GALNT18: variants seen among roughly 807,000 people sequenced by gnomAD.
GALNT18 encodes the protein polypeptide N-acetylgalactosaminyltransferase 18.
In GALNT18, 44 loss-of-function variants were observed where a neutral mutation model predicts 69.5. The observed-to-expected ratio is 0.63, with a 90% confidence interval of 0.50 to 0.81. The LOEUF is 0.81. Ranked by LOEUF, GALNT18 falls within the 40% of genes least tolerant of loss-of-function variation. The pLI, the probability that GALNT18 is intolerant of heterozygous loss-of-function variation, is 0.00. For synonymous variants in GALNT18, 364 were observed against 318.2 expected (o/e 1.14, Z -1.53); for missense variants, 715 against 810.0 (o/e 0.88, Z 1.42).
intron 9 of GALNT18, among the ~76,000 whole-genome samples, chr11:11,324,536 T>C (rs1049047857): frequency 6.6e-6 from 1 of 152,184 alleles, no homozygotes; most frequent in African/African-American, 2.4e-5. Context: ...ATGATGAAAG[T>C]GTTCCCTTTT....
chr11:11,517,707 G>A (rs1857311359), intron 1 of GALNT18, among the ~76,000 whole-genome samples: 1 of 152,010 alleles, frequency 6.6e-6, no homozygotes, highest in Non-Finnish European at 1.5e-5. Flanking sequence ...CAGGGCCCCT[G>A]CCACAGTGCT....
In GALNT18 at chr11:11,436,133, T is replaced by A. The variant is rs1855397446; in HGVS notation, c.429-3346A>T. Among the ~76,000 whole-genome samples the A allele has an allele frequency of 1.3e-5, 2 of 152,224 alleles. No homozygotes were observed. The highest frequency in any genetic ancestry group is 2.9e-5 in the Non-Finnish European group (2 of 68,044). On this transcript the variant is annotated intron_variant, in intron 2 of 10. Coordinates refer to ENST00000227756, the MANE Select transcript of GALNT18 (RefSeq NM_198516.3). This position sits in a 1 kb window ranked among gnomAD's most constrained non-coding sequence, Gnocchi z 4.5. Reference sequence around the variant, plus strand: ...GAAGATGATATGGGGGGATCGTTTTTGGGAAAGCGTTTGAAGGGGATGAAG... The same window carrying A: ...GAAGATGATATGGGGGGATCGTTTTAGGGAAAGCGTTTGAAGGGGATGAAG...
intron 9 of GALNT18, among the ~76,000 whole-genome samples, chr11:11,317,124 G>GTTATGT (rs10668565): frequency 0.36 from 54,793 of 151,562 alleles, 10,120 homozygotes; most frequent in Admixed American, 0.45. Context: ...AAACAAAATG[G>GTTATGT]TTATGTTTAT....
At chr11:11,390,005 T>C (rs969299001) in intron 3 of GALNT18, among the ~76,000 whole-genome samples, 11 of 152,210 alleles carry the variant, frequency 7.2e-5, no homozygotes, top group South Asian at 6.2e-4. Context: ...CAAGAGTTTA[T>C]GATTCTGAAT....
intron 9 of GALNT18, among the ~76,000 whole-genome samples, chr11:11,307,309 T>G (rs1849595597): frequency 6.6e-6 from 1 of 152,226 alleles, no homozygotes; most frequent in South Asian, 2.1e-4. Context: ...GCAAATTACA[T>G]TCATTTTATC....
At chr11:11,375,673 A>G (rs745882636) in intron 5 of GALNT18, among the ~76,000 whole-genome samples, 1 of 152,196 alleles carries the variant, frequency 6.6e-6, no homozygotes, top group Non-Finnish European at 1.5e-5. Context: ...TCCTCTTGTA[A>G]AACAGGGATG....
intron 1 of GALNT18, among the ~76,000 whole-genome samples, chr11:11,489,067 G>A (rs1462905529): frequency 1.3e-5 from 2 of 152,210 alleles, no homozygotes; most frequent in South Asian, 2.1e-4. Context: ...ACAGTGAAGT[G>A]TGCCCCAAAC....
chr11:11,375,909 T>C (rs1337318565), intron 5 of GALNT18, among the ~76,000 whole-genome samples: 7 of 152,188 alleles, frequency 4.6e-5, no homozygotes, highest in Admixed American at 3.9e-4. Flanking sequence ...TCTTAAGTAA[T>C]AATCCCTGAC....
At chr11:11,490,227 T>TAACA (rs879361945) in intron 1 of GALNT18, among the ~76,000 whole-genome samples, 4,323 of 72,998 alleles carry the variant, frequency 0.059, 56 homozygotes, top group Middle Eastern at 0.098. Flanking sequence ...TCTCTCTCTC[T>TAACA]CTCTCTAACA....
Position 11,377,061 on chromosome 11 carries a change from C to A in GALNT18, c.977+121G>T, listed in dbSNP as rs1240691772. 4 of 827,010 alleles carry A rather than the reference C, an allele frequency of 4.8e-6. No individual in the cohort carries two copies. The African/African-American group carries it at 5.1e-5, about 11-fold the overall frequency. 51.2% of individuals were successfully genotyped at this position (827,010 alleles called of 1,614,324 possible). A position where few individuals can be genotyped will look rare whatever the true frequency, so the allele number is the denominator to read the frequency against. ...AAGATCAGACTGCAGTTCCTTTCGA[C>A]CCTGCCCACCCCTGTCATCCCCACG... On this transcript the variant is annotated intron_variant, in intron 5 of 10. Coordinates refer to ENST00000227756, the MANE Select transcript of GALNT18 (RefSeq NM_198516.3). This position sits in a 1 kb window ranked among gnomAD's most constrained non-coding sequence, Gnocchi z 4.6.
chr11:11,585,645 C>T (rs549209422), intron 1 of GALNT18, among the ~76,000 whole-genome samples: 4 of 152,224 alleles, frequency 2.6e-5, no homozygotes, highest in Admixed American at 1.3e-4. Context: ...CATGAGCCAC[C>T]GCGCCCGGCC....
Position 11,430,108 on chromosome 11 carries a change from G to C in GALNT18, c.595+2513C>G, listed in dbSNP as rs1284923512. ...ATCGTGCCACTGCATTCCAGCCTGG[G>C]CAACAGAGCAAGACCCTGTCTCAAA... On this transcript the variant is annotated intron_variant, in intron 3 of 10. Coordinates refer to ENST00000227756, the MANE Select transcript of GALNT18 (RefSeq NM_198516.3). The surrounding 1 kb of genome is among the most constrained non-coding windows in gnomAD (Gnocchi z 4.9). 6.6e-6 allele frequency among the ~76,000 whole-genome samples: 1 copy of C among 151,980 alleles called. No homozygotes were observed. Among genetic ancestry groups the C allele is most frequent in the Non-Finnish European group, 1.5e-5 (1 of 68,014 alleles).
In GALNT18 at chr11:11,396,186, C is replaced by T. The variant is rs1303755830; in HGVS notation, c.596-16922G>A. Among the ~76,000 whole-genome samples the T allele has an allele frequency of 2.6e-5, 4 of 152,220 alleles. No individual in the cohort carries two copies. The highest frequency in any genetic ancestry group is 4.8e-5 in the African/African-American group (2 of 41,462). On this transcript the variant is annotated intron_variant, in intron 3 of 10. Transcript: ENST00000227756. This position sits in a 1 kb window ranked among gnomAD's most constrained non-coding sequence, Gnocchi z 5.2. Reference sequence around the variant, plus strand: ...GGATAGCTGTGTGATACATTCATTGCTTTTTTCTCACCGAATTTGAAAGAG... The same window carrying T: ...GGATAGCTGTGTGATACATTCATTGTTTTTTTCTCACCGAATTTGAAAGAG...
rs2133835294 is a variant in GALNT18, at chr11:11,458,821, A to G, written c.236-9885T>C. Among the ~76,000 whole-genome samples, 2 of 152,274 alleles carry G rather than the reference A, an allele frequency of 1.3e-5. 1 individual carries two copies. Among genetic ancestry groups the G allele is most frequent in the South Asian group, 4.2e-4 (2 of 4,818 alleles). On this transcript the variant is annotated intron_variant, in intron 1 of 10. Transcript: ENST00000227756. ...CACCCAGCCTTGAGATCCAAATCCCAGCCTTTGTGCCTGGTCCCAGCCAAA... is the reference window on the plus strand; with the variant it reads ...CACCCAGCCTTGAGATCCAAATCCCGGCCTTTGTGCCTGGTCCCAGCCAAA...
At position 11,600,879 on chromosome 11, in the gene GALNT18, C is replaced by T. The variant is rs1247923010; in HGVS notation, c.235+20480G>A. Among the ~76,000 whole-genome samples, 1 of 151,988 alleles carries T rather than the reference C, an allele frequency of 6.6e-6. No homozygotes were observed. Among genetic ancestry groups the T allele is most frequent in the Non-Finnish European group, 1.5e-5 (1 of 68,000 alleles). The stretch of plus-strand genomic sequence containing the variant: ...GTGGTAATCTCTATTGATCTATCTT[C>T]AAATTTGCTGATACTTTCTTCTGCC... On this transcript the variant is annotated intron_variant, in intron 1 of 10. Transcript: ENST00000227756. The surrounding 1 kb of genome is among the most constrained non-coding windows in gnomAD (Gnocchi z 4.8).
At chr11:11,326,600 G>T (rs1177056275) in intron 9 of GALNT18, among the ~76,000 whole-genome samples, 1 of 152,198 alleles carries the variant, frequency 6.6e-6, no homozygotes, top group African/African-American at 2.4e-5. Flanking sequence ...AAGGTCAGAA[G>T]AAGAGCTGGA....
In GALNT18 at chr11:11,413,085, C is replaced by A. The variant is rs541038259; in HGVS notation, c.595+19536G>T. ...CAGCTCTTATTGGTGGTCTCCCTTC[C>A]TTGTCTTATCTCCCTACCCCACTGG... On this transcript the variant is annotated intron_variant, in intron 3 of 10. Coordinates refer to ENST00000227756, the MANE Select transcript of GALNT18 (RefSeq NM_198516.3). The surrounding 1 kb of genome is among the most constrained non-coding windows in gnomAD (Gnocchi z 4.7). Among the ~76,000 whole-genome samples, 1 of 152,334 alleles carries A rather than the reference C, an allele frequency of 6.6e-6. No individual in the cohort carries two copies. The highest frequency in any genetic ancestry group is 1.9e-4 in the East Asian group (1 of 5,180).
intron 10 of GALNT18, among the ~76,000 whole-genome samples, chr11:11,280,646 A>T (rs1025289772): frequency 3.3e-5 from 5 of 152,110 alleles, no homozygotes; most frequent in African/African-American, 1.2e-4. Flanking sequence ...AATTTTGTAT[A>T]ATTTTCCAAA....
At position 11,351,013 on chromosome 11, in the gene GALNT18, G is replaced by A. The variant is rs1383363501; in HGVS notation, c.1093-10009C>T. ...AGGTGACCAAAGAGGCATGGTCCCTGCAGGCACCAGTTTCCAGAGGTTCAA... is the reference window on the plus strand; with the variant it reads ...AGGTGACCAAAGAGGCATGGTCCCTACAGGCACCAGTTTCCAGAGGTTCAA... On this transcript the variant is annotated intron_variant, in intron 6 of 10. Coordinates refer to ENST00000227756, the MANE Select transcript of GALNT18 (RefSeq NM_198516.3). Among the ~76,000 whole-genome samples, 6 of 152,184 alleles carry A rather than the reference G, an allele frequency of 3.9e-5. No individual in the cohort carries two copies. The East Asian group carries it at 1.2e-3, about 29-fold the overall frequency.
Sources: allele counts gnomAD v4.1 joint callset (sites outside exome capture counted in the v4.1 genomes callset), GRCh38; gene constraint gnomAD v4.1.1; non-coding constraint Gnocchi (gnomAD v3.1); transcripts MANE v1.5; gene names NCBI Gene and HGNC (gene_info 2026-07-23, HGNC 2026-07-21).